Variants in ADAMTSL1 observed in about 807,000 individuals in gnomAD.
ADAMTSL1 encodes the protein ADAMTS like 1.
In ADAMTSL1, 126 loss-of-function variants were observed where a neutral mutation model predicts 201.8. The ratio of observed to expected loss-of-function variants is 0.62; its 90% confidence interval spans 0.54 to 0.72. The LOEUF is 0.72. ADAMTSL1 is among the 30% of genes least tolerant of loss of function. ADAMTSL1 has a pLI of 0.00. For missense variants in ADAMTSL1, 2,679 were observed against 2,277.8 expected (o/e 1.18, Z -3.59); for synonymous variants, 1,121 against 903.4 (o/e 1.24, Z -4.32).
intron 2 of ADAMTSL1, among the ~76,000 whole-genome samples, chr9:18,310,817 C>A (rs1035736785): frequency 3.9e-5 from 6 of 152,064 alleles, no homozygotes; most frequent in African/African-American, 1.4e-4. Context: ...GGATCTAGAA[C>A]CAGAAATACC....
intron 2 of ADAMTSL1, among the ~76,000 whole-genome samples, chr9:18,509,810 AG>A (rs1232772791): frequency 6.6e-6 from 1 of 152,202 alleles, no homozygotes; most frequent in Non-Finnish European, 1.5e-5. Context: ...AGCTAGAGAG[AG>A]GGTGAAAAAT....
chr9:18,547,356 A>G (rs750952486), intron 3 of ADAMTSL1, among the ~76,000 whole-genome samples: 2 of 152,024 alleles, frequency 1.3e-5, no homozygotes, highest in African/African-American at 4.8e-5. Flanking sequence ...ATTAAATATA[A>G]AATGATAAAA....
intron 2 of ADAMTSL1, among the ~76,000 whole-genome samples, chr9:18,411,020 T>TG (rs1203790056): frequency 6.6e-6 from 1 of 150,494 alleles, no homozygotes; most frequent in Non-Finnish European, 1.5e-5. Flanking sequence ...TGTTTTTTTT[T>TG]GTTTGGTTTT....
intron 1 of ADAMTSL1, among the ~76,000 whole-genome samples, chr9:17,966,437 A>G (rs1388253063): frequency 6.6e-6 from 1 of 152,162 alleles, no homozygotes; most frequent in Admixed American, 6.5e-5. Context: ...AAGCCTCTTC[A>G]TGTGCCGCAT....
At chr9:18,838,441 T>C (rs1399636065) in intron 23 of ADAMTSL1, among the ~76,000 whole-genome samples, 1 of 145,658 alleles carries the variant, frequency 6.9e-6, no homozygotes, top group East Asian at 2.0e-4. Context: ...CTCAGGAAGG[T>C]AGGGAAAGAG....
At chr9:17,940,811 C>CCCA (rs201419338) in intron 1 of ADAMTSL1, among the ~76,000 whole-genome samples, 2 of 60,232 alleles carry the variant, frequency 3.3e-5, no homozygotes, top group Non-Finnish European at 6.7e-5. Flanking sequence ...CACCCCCCCC[C>CCCA]CAAAAAAAAG....
At chr9:18,575,620 T>C (rs1313698729) in intron 4 of ADAMTSL1, among the ~76,000 whole-genome samples, 2 of 152,178 alleles carry the variant, frequency 1.3e-5, no homozygotes, top group African/African-American at 4.8e-5. Flanking sequence ...CAAATAGATT[T>C]AGAAAGGGGA....
At chr9:18,030,787 T>C (rs149793883) in intron 1 of ADAMTSL1, among the ~76,000 whole-genome samples, 1,541 of 152,240 alleles carry the variant, frequency 0.01, 17 homozygotes, top group Non-Finnish European at 0.013. Flanking sequence ...TCCTTCTCTC[T>C]CAGGAATGCC....
intron 1 of ADAMTSL1, among the ~76,000 whole-genome samples, chr9:17,937,634 GAT>G (rs1827069808): frequency 6.6e-6 from 1 of 150,706 alleles, no homozygotes; most frequent in Non-Finnish European, 1.5e-5. Flanking sequence ...AAATCTTGTT[GAT>G]TTAAATTCCT....
intron 2 of ADAMTSL1, among the ~76,000 whole-genome samples, chr9:18,344,621 G>T (rs575898911): frequency 6.6e-6 from 1 of 152,230 alleles, no homozygotes; most frequent in East Asian, 1.9e-4. Context: ...AATCCCAAGT[G>T]TGTACAGTGA....
At chr9:18,633,638 C>CTTT (rs58807960) in intron 5 of ADAMTSL1, among the ~76,000 whole-genome samples, 24,008 of 123,028 alleles carry the variant, frequency 0.2, 2,775 homozygotes, top group East Asian at 0.54. Flanking sequence ...CTAATCTTAA[C>CTTT]TTTTTTTTTT....
At chr9:17,914,194 C>G (rs989230261) in intron 1 of ADAMTSL1, among the ~76,000 whole-genome samples, 3 of 152,088 alleles carry the variant, frequency 2.0e-5, no homozygotes, top group African/African-American at 4.8e-5. Context: ...ATCCTGATAC[C>G]AAAGCCTGGC....
intron 7 of ADAMTSL1, among the ~76,000 whole-genome samples, chr9:18,649,805 G>C (rs1382114896): frequency 2.0e-5 from 3 of 152,126 alleles, no homozygotes; most frequent in African/African-American, 7.2e-5. Context: ...CCTACTGGGG[G>C]GTGCCTCCCA....
At position 18,571,956 on chromosome 9, in the gene ADAMTSL1, G is replaced by T. The variant is rs146112045; in HGVS notation, c.238-2074G>T. 8.6e-3 allele frequency among the ~76,000 whole-genome samples: 1,303 copies of T among 152,252 alleles called. 7 individuals are homozygous for T. Among genetic ancestry groups the T allele is most frequent in the Non-Finnish European group, 0.015 (993 of 68,004 alleles). ...GCCTATAATCCCAGCACTTTGAGAG[G>T]CCAAGGCAGGTGGATCACCTGAGGT... On this transcript the variant is annotated intron_variant, in intron 3 of 28. Coordinates refer to ENST00000380548, the MANE Select transcript of ADAMTSL1 (RefSeq NM_001040272.6).
At chr9:18,175,836 C>A (rs1349974984) in intron 2 of ADAMTSL1, among the ~76,000 whole-genome samples, 2 of 151,810 alleles carry the variant, frequency 1.3e-5, no homozygotes, top group African/African-American at 4.8e-5. Flanking sequence ...GAAGACTCTA[C>A]ACAGATATGG....
chr9:18,113,540 G>A (rs774793903), intron 1 of ADAMTSL1, among the ~76,000 whole-genome samples: 22 of 152,070 alleles, frequency 1.4e-4, no homozygotes, highest in African/African-American at 2.2e-4. Flanking sequence ...AAAGCATTAC[G>A]AGAGCTTCTA....
intron 7 of ADAMTSL1, among the ~76,000 whole-genome samples, chr9:18,649,197 G>C (rs1285699687): frequency 2.0e-5 from 3 of 152,158 alleles, no homozygotes; most frequent in Non-Finnish European, 4.4e-5. Context: ...TGAGGCTTCT[G>C]CATTCTCCAC....
intron 23 of ADAMTSL1, among the ~76,000 whole-genome samples, chr9:18,832,645 A>G (rs1825062162): frequency 6.6e-6 from 1 of 152,182 alleles, no homozygotes; most frequent in Non-Finnish European, 1.5e-5. Flanking sequence ...CACAGCCAAG[A>G]CATCCCTAGT....
At chr9:17,963,983 TA>T (rs1203324822) in intron 1 of ADAMTSL1, among the ~76,000 whole-genome samples, 7 of 152,152 alleles carry the variant, frequency 4.6e-5, no homozygotes, top group Admixed American at 1.3e-4. Flanking sequence ...CTCAAATTAT[TA>T]TTTTTTTATT....
Sources: gnomAD v4.1 joint callset for allele counts (sites outside exome capture counted in the v4.1 genomes callset) on GRCh38, gnomAD v4.1.1 for gene constraint, MANE v1.5 for transcripts, NCBI Gene and HGNC (gene_info 2026-07-23, HGNC 2026-07-21) for gene names.